KLK3: variants seen among roughly 807,000 people sequenced by gnomAD.
KLK3 encodes the protein prostate-specific antigen.
KLK3 carries 23 observed loss-of-function variants against 27.7 expected under a neutral mutation model. The ratio of observed to expected loss-of-function variants is 0.83; its 90% CI spans 0.60 to 1.17. The LOEUF is 1.17. Ranked by LOEUF, KLK3 falls within the 50% of genes most tolerant of loss-of-function variation. KLK3 has a pLI of 0.00. For missense variants in KLK3, 322 were observed against 338.1 expected (o/e 0.95, Z 0.37); for synonymous variants, 142 against 134.2 (o/e 1.06, Z -0.40).
At chr19:50,856,498 A>G in intron 2 of KLK3, 99 bp downstream of exon 2, 1 of 1,431,332 alleles carries the variant, frequency 7.0e-7, no homozygotes, top group Non-Finnish European at 9.5e-7. Flanking sequence ...CAGCCTTGGG[A>G]CTGGGGGAGA....
rs1057417065 is a variant in KLK3 at position 50,858,481 on chromosome 19, G to A, written c.516G>A (p.Gln172=). The change falls in exon 4 of 5, where the codon CAG becomes CAA. Residue 172 remains glutamine, a synonymous_variant. Coordinates refer to ENST00000326003, the MANE Select transcript of KLK3 (RefSeq NM_001648.2). ...PEEFLTPKKL[Q]CVDLHVISND... is the part of the protein sequence containing the mutation. ...TAGTCTTGACCCCAAAGAAACTTCA[G>A]TGTGTGGACCTCCATGTTATTTCCA... The A allele has an allele frequency of 2.5e-6, 4 of 1,614,104 alleles. No homozygotes were observed. In the African/African-American group the frequency reaches 5.3e-5, roughly 22 times the overall value.
chr19:50,859,644 C>T lies in KLK3; in HGVS notation c.631-328C>T, dbSNP rs10401479. 1,382 of 1,609,748 alleles carry T rather than the reference C, an allele frequency of 8.6e-4. 5 individuals are homozygous for T. The African/African-American group carries it at 0.017, about 20-fold the overall frequency. ...AGAGAGTAGTCCTGGAAGGTGGCCTCTGTGAGGAGCCACGGGGACAGCATC... is the reference window on the plus strand; with the variant it reads ...AGAGAGTAGTCCTGGAAGGTGGCCTTTGTGAGGAGCCACGGGGACAGCATC... On this transcript the variant is annotated intron_variant, in intron 4 of 4. Transcript: ENST00000326003.
At chr19:50,859,351 G>A (rs1279979158) in intron 4 of KLK3, among the ~76,000 whole-genome samples, 1 of 149,866 alleles carries the variant, frequency 6.7e-6, no homozygotes, top group Non-Finnish European at 1.5e-5. Context: ...GCTGCCGCTG[G>A]CCTCCCTATG....
rs1043190820 is a variant in KLK3 at position 50,858,193 on chromosome 19, T to C, written c.371T>C (p.Leu124Pro). The C allele has an allele frequency of 6.2e-7, 1 of 1,614,054 alleles. No individual in the cohort carries two copies. Among genetic ancestry groups the C allele is most frequent in the African/African-American group, 1.3e-5 (1 of 74,922 alleles). ...GDDSSHDLML[L>P]RLSEPAELTD... The stretch of plus-strand genomic sequence containing the variant: ...GACTCCAGCCACGACCTCATGCTGC[T>C]CCGCCTGTCAGAGCCTGCCGAGCTC... Residue 124 changes from leucine (L) to proline (P), a missense_variant, in exon 3 of 5, where the codon CTC becomes CCC. Coordinates refer to ENST00000326003, the MANE Select transcript of KLK3 (RefSeq NM_001648.2).
chr19:50,856,722 CT>C, intron 2 of KLK3: 2 of 293,446 alleles, frequency 6.8e-6, no homozygotes. Context: ...ATATCTCCCC[CT>C]CTCTCTGTCC....
rs148892721 is a variant in KLK3 at position 50,858,036 on chromosome 19, G to A, written c.214G>A (p.Val72Met). The A allele has an allele frequency of 1.7e-5, 27 of 1,608,562 alleles. No homozygotes were observed. Among genetic ancestry groups the A allele is most frequent in the African/African-American group, 5.3e-5 (4 of 74,812 alleles). Residue 72 changes from valine to methionine, a missense_variant, in exon 3 of 5, where the codon GTG becomes ATG. By Grantham distance (21) the Val-to-Met change is conservative (BLOSUM62 1). Coordinates refer to ENST00000326003, the MANE Select transcript of KLK3 (RefSeq NM_001648.2). The part of the protein sequence containing the change: ...TAAHCIRNKS[V>M]ILLGRHSLFH... ...CGTCTGCTTCCTCCCCAGCAAAAGC[G>A]TGATCTTGCTGGGTCGGCACAGCCT...
chr19:50,858,838 T>C, intron 4 of KLK3: 1 of 600,562 alleles, frequency 1.7e-6, no homozygotes, highest in Admixed American at 3.0e-5. Context: ...AGGCACCTGC[T>C]ATGCACCCAG....
rs1156693508 is a variant in KLK3 at position 50,858,101 on chromosome 19, C to T, written c.279C>T (p.Ser93=). The T allele has an allele frequency of 3.1e-6, 5 of 1,614,036 alleles. No individual in the cohort carries two copies. Among genetic ancestry groups the T allele is most frequent in the South Asian group, 1.1e-5 (1 of 91,064 alleles). Reference sequence around the variant, plus strand: ...ACACAGGCCAGGTATTTCAGGTCAGCCACAGCTTCCCACACCCGCTCTACG... The same window carrying T: ...ACACAGGCCAGGTATTTCAGGTCAGTCACAGCTTCCCACACCCGCTCTACG... The part of the protein sequence containing the change: ...PEDTGQVFQV[S]HSFPHPLYDM... The change falls in exon 3 of 5, where the codon AGC becomes AGT. Residue 93 remains serine, a synonymous_variant. Transcript: ENST00000326003.
In KLK3 at chr19:50,860,376, T is replaced by G; in HGVS notation, c.*249T>G. On this transcript the variant is annotated 3_prime_UTR_variant, in exon 5 of 5. Coordinates refer to ENST00000326003, the MANE Select transcript of KLK3 (RefSeq NM_001648.2). ...CACTCAATTTCTCTGAGGACACAGA[T>G]AGGATGGGGTGTCTGTGTTATTTGT... 2.5e-6 allele frequency: 1 copy of G among 392,190 alleles called. No individual in the cohort carries two copies. 24.3% of individuals were successfully genotyped at this position (392,190 alleles called of 1,614,324 possible).
chr19:50,855,394 A>C, intron 1 of KLK3: 2 of 206,000 alleles, frequency 9.7e-6, no homozygotes, highest in African/African-American at 2.3e-5. Flanking sequence ...CCTCAATCCT[A>C]TCACAGTCTA....
In KLK3 at chr19:50,860,176, AC is replaced by A; in HGVS notation, c.*51del. 1 of 1,473,866 alleles carries A rather than the reference AC, an allele frequency of 6.8e-7. No individual in the cohort carries two copies. The allele number at this position is 1,473,866 out of a possible 1,614,324, so 91.3% of individuals were successfully genotyped here. ...TAGTAAACTTGGAACCTTGGAAATG[AC>A]CAGGCCAAGACTCAAGCCTCCCCAG... On this transcript the variant is annotated 3_prime_UTR_variant, in exon 5 of 5. Coordinates refer to ENST00000326003, the MANE Select transcript of KLK3 (RefSeq NM_001648.2).
At chr19:50,855,196 C>T (rs1244606740) in intron 1 of KLK3, 195 bp downstream of exon 1, 1 of 584,388 alleles carries the variant, frequency 1.7e-6, no homozygotes, top group South Asian at 2.1e-5. Flanking sequence ...ACACCAGGTC[C>T]CCGCTCCCTC....
At chr19:50,857,520 C>T (rs1339705513) in intron 2 of KLK3, 1 of 155,284 alleles carries the variant, frequency 6.4e-6, no homozygotes, top group Admixed American at 6.4e-5. Flanking sequence ...CCAGCGGTCC[C>T]CACTCAGCTC....
intron 4 of KLK3, chr19:50,859,417 C>A (rs2090170318): frequency 3.8e-6 from 3 of 780,284 alleles, no homozygotes; most frequent in South Asian, 1.5e-5. Context: ...GATGATGGGG[C>A]TGACCTGGGG....
Position 50,856,376 on chromosome 19 carries a change from C to T in KLK3, c.183C>T (p.Leu61=), listed in dbSNP as rs750794289. 30 of 1,613,846 alleles carry T rather than the reference C, an allele frequency of 1.9e-5. No individual in the cohort carries two copies. The East Asian group carries it at 6.2e-4, about 34-fold the overall frequency. The change falls in exon 2 of 5, where the codon CTC becomes CTT. Residue 61 remains leucine (L), a synonymous_variant. Transcript: ENST00000326003. ...GGVLVHPQWV[L]TAAHCIRNKS... is the part of the protein sequence containing the mutation. ...TTCTGGTGCACCCCCAGTGGGTCCT[C>T]ACAGCTGCCCACTGCATCAGGAAGT...
intron 4 of KLK3, chr19:50,859,060 A>C: frequency 4.6e-6 from 1 of 216,770 alleles, no homozygotes; most frequent in Non-Finnish European, 9.1e-6. Context: ...GGAGTGAGCA[A>C]ACACCTGCCG....
At chr19:50,856,171 A>C in intron 1 of KLK3, 69 bp from the exon 2 acceptor site, 2 of 1,420,534 alleles carry the variant, frequency 1.4e-6, no homozygotes, top group South Asian at 1.3e-5. Context: ...TCCTAAATCC[A>C]TCTCCTATCC....
In KLK3 at chr19:50,860,014, G is replaced by T; in HGVS notation, c.673G>T (p.Gly225Cys). Residue 225 changes from glycine (G) to cysteine (C), a missense_variant, in exon 5 of 5, where the codon GGT becomes TGT. Physicochemically the swap from Gly to Cys is radical, Grantham distance 159. Coordinates refer to ENST00000326003, the MANE Select transcript of KLK3 (RefSeq NM_001648.2). ...GPLVCNGVLQGITSWGSEPCA... is the reference protein window; with the variant it reads ...GPLVCNGVLQCITSWGSEPCA... Reference sequence around the variant, plus strand: ...ACTTGTCTGTAATGGTGTGCTTCAAGGTATCACGTCATGGGGCAGTGAACC... The same window carrying T: ...ACTTGTCTGTAATGGTGTGCTTCAATGTATCACGTCATGGGGCAGTGAACC... 6.2e-7 allele frequency: 1 copy of T among 1,614,124 alleles called. No individual in the cohort carries two copies. The highest frequency in any genetic ancestry group is 1.3e-5 in the African/African-American group (1 of 75,058).
chr19:50,858,737 T>G, intron 4 of KLK3, 142 bp downstream of exon 4: 2 of 805,864 alleles, frequency 2.5e-6, no homozygotes, highest in Non-Finnish European at 4.0e-6. Flanking sequence ...TCTCATCTCA[T>G]TCCCTCCTTC....
Sources: allele counts gnomAD v4.1 joint callset (sites outside exome capture counted in the v4.1 genomes callset), GRCh38; gene constraint gnomAD v4.1.1; transcripts MANE v1.5; gene names NCBI Gene and HGNC (gene_info 2026-07-23, HGNC 2026-07-21).